Variants in DNAH9 observed in about 807,000 individuals in gnomAD.
DNAH9 encodes the protein dynein axonemal heavy chain 9.
Under a neutral mutation model 471.6 loss-of-function variants are expected in DNAH9, and 345 were observed. The ratio of observed to expected loss-of-function variants is 0.73; its 90% confidence interval spans 0.67 to 0.80. The LOEUF (loss-of-function observed/expected upper bound fraction) is 0.80, where lower values mean the gene tolerates loss of function less well. Among genes scored for constraint, DNAH9 ranks in the 30% least tolerant of loss-of-function variants. DNAH9 has a pLI of 0.00. For synonymous variants in DNAH9, 2,093 were observed against 2,123.6 expected (o/e 0.99, Z 0.40); for missense variants, 5,407 against 5,609.2 (o/e 0.96, Z 1.15).
chr17:11,616,955 A>G (rs73975037), intron 4 of DNAH9, among the ~76,000 whole-genome samples: 2,318 of 152,272 alleles, frequency 0.015, 63 homozygotes, highest in African/African-American at 0.053. Context: ...CTATTGAACT[A>G]CCTTCAGCCT....
chr17:11,726,707 T>G (rs1386949916), intron 27 of DNAH9, among the ~76,000 whole-genome samples: 1 of 152,100 alleles, frequency 6.6e-6, no homozygotes, highest in African/African-American at 2.4e-5. Context: ...TAGACTGAGC[T>G]CCCCTATGTC....
chr17:11,714,573 T>C (rs535218958), intron 26 of DNAH9, among the ~76,000 whole-genome samples: 1 of 152,286 alleles, frequency 6.6e-6, no homozygotes, highest in South Asian at 2.1e-4. Flanking sequence ...CTCTTCCCTT[T>C]TGAGTGTGAG....
At chr17:11,898,949 T>C (rs1973309482) in intron 59 of DNAH9, among the ~76,000 whole-genome samples, 1 of 152,242 alleles carries the variant, frequency 6.6e-6, no homozygotes. Context: ...CATCTGGCTG[T>C]TCAAAGGCTT....
intron 3 of DNAH9, among the ~76,000 whole-genome samples, chr17:11,610,994 G>C (rs200315205): frequency 6.6e-6 from 1 of 152,024 alleles, no homozygotes; most frequent in Non-Finnish European, 1.5e-5. Context: ...CTCATCACTC[G>C]CAGGGCTGGA....
intron 61 of DNAH9, among the ~76,000 whole-genome samples, chr17:11,911,275 A>G (rs931892596): frequency 6.6e-6 from 1 of 152,186 alleles, no homozygotes; most frequent in African/African-American, 2.4e-5. Context: ...TCCCTGCTCC[A>G]TTTGTTGAAA....
intron 28 of DNAH9, among the ~76,000 whole-genome samples, chr17:11,731,571 C>T (rs1230416467): frequency 1.6e-5 from 2 of 128,254 alleles, no homozygotes; most frequent in Non-Finnish European, 3.2e-5. Flanking sequence ...AACAACAGGC[C>T]CCAGTGTGTG....
At chr17:11,619,382 G>A (rs925334046) in intron 5 of DNAH9, among the ~76,000 whole-genome samples, 166 bp from the exon 6 acceptor site, 18 of 152,052 alleles carry the variant, frequency 1.2e-4, no homozygotes, top group South Asian at 2.1e-4. Flanking sequence ...CTATTTGGCC[G>A]AAACCCAGGT....
At chr17:11,776,441 G>A (rs1319004638) in intron 38 of DNAH9, among the ~76,000 whole-genome samples, 1 of 151,804 alleles carries the variant, frequency 6.6e-6, no homozygotes, top group African/African-American at 2.4e-5. Flanking sequence ...TTATGCCTAT[G>A]TCTTCATGTT....
chr17:11,706,068 C>G (rs554586492), intron 26 of DNAH9, among the ~76,000 whole-genome samples: 1 of 152,042 alleles, frequency 6.6e-6, no homozygotes, highest in Non-Finnish European at 1.5e-5. Context: ...ATGTATTTTG[C>G]TTTCCAGGCA....
intron 30 of DNAH9, among the ~76,000 whole-genome samples, chr17:11,743,965 G>A (rs943418070): frequency 6.6e-6 from 1 of 151,870 alleles, no homozygotes; most frequent in African/African-American, 2.4e-5. Context: ...GAGTAGCTGG[G>A]ATAACAGGCA....
intron 58 of DNAH9, 47 bp from the exon 59 acceptor site, chr17:11,894,325 ACT>A: frequency 6.2e-7 from 1 of 1,603,568 alleles, no homozygotes. Context: ...GATTTCTAGG[ACT>A]CTGGCTACAA....
intron 48 of DNAH9, among the ~76,000 whole-genome samples, chr17:11,828,473 C>CAAAAAAAAA (rs56689551): frequency 7.9e-6 from 1 of 125,876 alleles, no homozygotes; most frequent in East Asian, 2.3e-4. Flanking sequence ...AACTCCGTCT[C>CAAAAAAAAA]AAAAAAAAAA....
chr17:11,623,263 C>G lies in DNAH9; in HGVS notation c.1350+3482C>G, dbSNP rs577524637. On this transcript the variant is annotated intron_variant, in intron 6 of 68. Transcript: ENST00000262442. This position sits in a 1 kb window ranked among gnomAD's most constrained non-coding sequence, Gnocchi z 4.1. ...TGCTGGGATTACAGGTGTGAGCCACCGTGCCCGGCCAGCATTTCTTTTCTT... is the reference window on the plus strand; with the variant it reads ...TGCTGGGATTACAGGTGTGAGCCACGGTGCCCGGCCAGCATTTCTTTTCTT... Among the ~76,000 whole-genome samples, 1 of 152,062 alleles carries G rather than the reference C, an allele frequency of 6.6e-6. No individual in the cohort carries two copies. The highest frequency in any genetic ancestry group is 1.5e-5 in the Non-Finnish European group (1 of 68,004).
intron 26 of DNAH9, among the ~76,000 whole-genome samples, chr17:11,717,289 T>C (rs2074980145): frequency 6.6e-6 from 1 of 152,106 alleles, no homozygotes. Flanking sequence ...TCTCAGCACT[T>C]TGGGAGGCTG....
intron 26 of DNAH9, among the ~76,000 whole-genome samples, chr17:11,710,970 ACT>A (rs995492044): frequency 3.9e-5 from 6 of 152,174 alleles, no homozygotes; most frequent in African/African-American, 9.6e-5. Flanking sequence ...CAGGGTTTAA[ACT>A]CTCTCATATA....
At chr17:11,956,576 T>C (rs926256414) in intron 67 of DNAH9, among the ~76,000 whole-genome samples, 6 of 152,142 alleles carry the variant, frequency 3.9e-5, no homozygotes, top group Non-Finnish European at 7.4e-5. Context: ...CTATATTTTA[T>C]GTCATAAAGC....
At chr17:11,913,287 T>C (rs549220446) in intron 61 of DNAH9, among the ~76,000 whole-genome samples, 4 of 152,316 alleles carry the variant, frequency 2.6e-5, no homozygotes, top group Admixed American at 2.6e-4. Flanking sequence ...AAATTATTAG[T>C]TCAATTTATC....
chr17:11,830,431 T>G (rs964641014), intron 48 of DNAH9, among the ~76,000 whole-genome samples: 8 of 152,202 alleles, frequency 5.3e-5, no homozygotes, highest in African/African-American at 1.9e-4. Context: ...AAACTTAAAT[T>G]CAGTTTATCT....
intron 14 of DNAH9, among the ~76,000 whole-genome samples, chr17:11,656,226 A>G (rs1037675160): frequency 6.6e-6 from 1 of 151,892 alleles, no homozygotes; most frequent in South Asian, 2.1e-4. Context: ...GCCAACATCT[A>G]TTTCTTTTAT....
Sources: gnomAD v4.1 joint callset for allele counts (sites outside exome capture counted in the v4.1 genomes callset) on GRCh38, gnomAD v4.1.1 for gene constraint, Gnocchi (gnomAD v3.1) non-coding constraint, MANE v1.5 for transcripts, NCBI Gene and HGNC (gene_info 2026-07-23, HGNC 2026-07-21) for gene names.